The following ULK4 variants were observed in gnomAD, a reference collection of about 807,000 sequenced individuals.
ULK4 encodes the protein unc-51 like kinase 4.
In ULK4, 133 loss-of-function variants were observed where a neutral mutation model predicts 160.6. The ratio of observed to expected loss-of-function variants is 0.83; its 90% CI spans 0.72 to 0.96. ULK4 has a LOEUF of 0.96. ULK4 is among the 40% of genes least tolerant of loss of function. ULK4 has a pLI of 0.00. For synonymous variants in ULK4, 534 were observed against 539.8 expected, an observed-to-expected ratio of 0.99 and a Z score of 0.15; for missense variants, 1,580 against 1,499.5, an observed-to-expected ratio of 1.05 and a Z score of -0.89.
chr3:41,676,784 G>A (rs1050823553), intron 29 of ULK4, among the ~76,000 whole-genome samples: 1 of 151,944 alleles, frequency 6.6e-6, no homozygotes. Context: ...AGCTTATTTC[G>A]CCTGACTCTC....
chr3:41,310,179 C>T (rs1434300447), intron 35 of ULK4, among the ~76,000 whole-genome samples: 4 of 152,128 alleles, frequency 2.6e-5, no homozygotes, highest in Non-Finnish European at 5.9e-5. Flanking sequence ...GATATACTGG[C>T]ATCATCAAAT....
intron 17 of ULK4, among the ~76,000 whole-genome samples, chr3:41,836,751 A>G (rs2041769028): frequency 6.6e-6 from 1 of 152,228 alleles, no homozygotes; most frequent in Admixed American, 6.5e-5. Context: ...CTAAAGTTGT[A>G]ATATAATGTA....
At position 41,558,624 on chromosome 3, in the gene ULK4, A is replaced by G. The variant is rs115096992; in HGVS notation, c.3226+7401T>C. ...GAGGCTGAGGCAGCAGAATTGCTGGACCCTGGGAGGTGGAGATTGCAGTGG... is the reference window on the plus strand; with the variant it reads ...GAGGCTGAGGCAGCAGAATTGCTGGGCCCTGGGAGGTGGAGATTGCAGTGG... On this transcript the variant is annotated intron_variant, in intron 32 of 36. Coordinates refer to ENST00000301831, the MANE Select transcript of ULK4 (RefSeq NM_017886.4). Among the ~76,000 whole-genome samples, 978 of 151,816 alleles carry G rather than the reference A, an allele frequency of 6.4e-3. 6 individuals are homozygous for G. Among genetic ancestry groups the G allele is most frequent in the Middle Eastern group, 0.034 (10 of 294 alleles).
intron 32 of ULK4, among the ~76,000 whole-genome samples, chr3:41,522,853 A>G (rs760861519): frequency 6.6e-6 from 1 of 152,216 alleles, no homozygotes; most frequent in Non-Finnish European, 1.5e-5. Flanking sequence ...TGTTATCACA[A>G]GAGGAACTGG....
intron 35 of ULK4, among the ~76,000 whole-genome samples, chr3:41,361,856 G>A (rs1334212507): frequency 6.6e-6 from 1 of 152,146 alleles, no homozygotes; most frequent in Non-Finnish European, 1.5e-5. Context: ...AGCTGTTTTT[G>A]TATCTGTCAT....
At chr3:41,784,650 AAATC>A (rs147887442) in intron 21 of ULK4, among the ~76,000 whole-genome samples, 3,355 of 152,292 alleles carry the variant, frequency 0.022, 75 homozygotes, top group East Asian at 0.084. Context: ...GACACAAAAT[AAATC>A]AAGCACTCAT....
intron 4 of ULK4, among the ~76,000 whole-genome samples, chr3:41,934,636 T>C (rs1021663160): frequency 6.6e-6 from 1 of 152,202 alleles, no homozygotes; most frequent in African/African-American, 2.4e-5. Context: ...CAGGGTAATT[T>C]GTCCGGGTTC....
At chr3:41,726,353 G>A (rs191282261) in intron 22 of ULK4, among the ~76,000 whole-genome samples, 106 of 152,270 alleles carry the variant, frequency 7.0e-4, no homozygotes, top group Middle Eastern at 3.4e-3. Context: ...ATTACAAGAT[G>A]TGTTTTCACA....
At chr3:41,565,399 C>T (rs2087749604) in intron 32 of ULK4, among the ~76,000 whole-genome samples, 1 of 152,140 alleles carries the variant, frequency 6.6e-6, no homozygotes, top group African/African-American at 2.4e-5. Flanking sequence ...ACTCATGCTG[C>T]CCCTTAATTC....
intron 21 of ULK4, among the ~76,000 whole-genome samples, chr3:41,769,629 T>G (rs1269302613): frequency 2.6e-5 from 4 of 152,138 alleles, no homozygotes; most frequent in Non-Finnish European, 5.9e-5. Flanking sequence ...GATTTCAGAG[T>G]GGACATTTCT....
intron 32 of ULK4, among the ~76,000 whole-genome samples, chr3:41,554,874 A>G (rs2087228414): frequency 6.6e-6 from 1 of 152,194 alleles, no homozygotes; most frequent in Admixed American, 6.5e-5. Flanking sequence ...ATAAAACAAA[A>G]AACCCTTTTC....
intron 17 of ULK4, among the ~76,000 whole-genome samples, chr3:41,856,516 T>A (rs1156238595): frequency 6.0e-4 from 64 of 106,742 alleles, no homozygotes; most frequent in South Asian, 5.6e-3. Context: ...TAAATAAATA[T>A]ATATATATAT....
intron 32 of ULK4, among the ~76,000 whole-genome samples, chr3:41,522,783 T>C (rs1252345814): frequency 2.0e-5 from 3 of 152,210 alleles, no homozygotes; most frequent in African/African-American, 4.8e-5. Context: ...GTGATTTTCA[T>C]TGTGTTCCAA....
intron 32 of ULK4, among the ~76,000 whole-genome samples, chr3:41,522,701 A>G (rs143010894): frequency 1.6e-3 from 250 of 152,292 alleles, no homozygotes; most frequent in Non-Finnish European, 2.9e-3. Flanking sequence ...CTGAAAATGA[A>G]ACAACTGCTT....
intron 35 of ULK4, among the ~76,000 whole-genome samples, chr3:41,368,084 G>C (rs1175334306): frequency 6.7e-6 from 1 of 149,736 alleles, no homozygotes; most frequent in Non-Finnish European, 1.5e-5. Context: ...GTCTCACTCT[G>C]TTGCCCAGAC....
At chr3:41,333,291 C>G (rs187093142) in intron 35 of ULK4, among the ~76,000 whole-genome samples, 1 of 152,194 alleles carries the variant, frequency 6.6e-6, no homozygotes, top group African/African-American at 2.4e-5. Flanking sequence ...CCTCAACATG[C>G]CTGTACTCAC....
chr3:41,830,902 A>G (rs1163983390), intron 18 of ULK4, among the ~76,000 whole-genome samples: 1 of 152,160 alleles, frequency 6.6e-6, no homozygotes, highest in Non-Finnish European at 1.5e-5. Context: ...AAATAGTGGT[A>G]AAGTAGAAAT....
chr3:41,640,327 C>T (rs1345938371), intron 30 of ULK4, among the ~76,000 whole-genome samples: 1 of 152,194 alleles, frequency 6.6e-6, no homozygotes, highest in African/African-American at 2.4e-5. Context: ...CTGCCACTGC[C>T]TGCTTGGAGC....
At chr3:41,749,455 C>T (rs1436803906) in intron 22 of ULK4, among the ~76,000 whole-genome samples, 1 of 152,274 alleles carries the variant, frequency 6.6e-6, no homozygotes, top group South Asian at 2.1e-4. Flanking sequence ...TGCACTACAG[C>T]CTGCATGACT....
Sources: gnomAD v4.1 joint callset for allele counts (sites outside exome capture counted in the v4.1 genomes callset) on GRCh38, gnomAD v4.1.1 for gene constraint, MANE v1.5 for transcripts, NCBI Gene and HGNC (gene_info 2026-07-23, HGNC 2026-07-21) for gene names.